The following WDR59 variants were observed in gnomAD, a reference collection of about 807,000 sequenced individuals.
WDR59 encodes GATOR2 complex protein WDR59.
WDR59 carries 100 observed loss-of-function variants against 131.2 expected under a neutral mutation model. The observed-to-expected ratio is 0.76, with a 90% CI of 0.65 to 0.90. The LOEUF (loss-of-function observed/expected upper bound fraction) is 0.90, where lower values mean the gene tolerates loss of function less well. WDR59 is among the 40% of genes least tolerant of loss of function. The pLI is 0.00. For synonymous variants in WDR59, 601 were observed against 466.2 expected (o/e 1.29, Z -3.72); for missense variants, 1,203 against 1,262.2 (o/e 0.95, Z 0.71).
chr16:74,945,206 G>A (rs1796822542), intron 6 of WDR59, among the ~76,000 whole-genome samples: 1 of 152,044 alleles, frequency 6.6e-6, no homozygotes, highest in Non-Finnish European at 1.5e-5. Context: ...GCCGGGCGAA[G>A]AGGCTCACGC....
chr16:74,885,083 G>A (rs924959167), intron 25 of WDR59, among the ~76,000 whole-genome samples: 4 of 152,238 alleles, frequency 2.6e-5, no homozygotes, highest in African/African-American at 9.6e-5. Context: ...CGGACACACA[G>A]TGGAATAAAT....
chr16:74,932,837 T>C (rs1373065513), intron 8 of WDR59, among the ~76,000 whole-genome samples: 6 of 152,192 alleles, frequency 3.9e-5, no homozygotes, highest in Non-Finnish European at 5.9e-5. Context: ...GATTTACAAA[T>C]ACCTTTCGAT....
At chr16:74,975,438 G>A (rs371897191) in intron 1 of WDR59, among the ~76,000 whole-genome samples, 1 of 151,804 alleles carries the variant, frequency 6.6e-6, no homozygotes, top group African/African-American at 2.4e-5. Context: ...CAAGACGGGT[G>A]GATCACCTAA....
chr16:74,909,969 G>GTTTTT (rs35006526), intron 14 of WDR59, 52 bp from the exon 15 acceptor site: 79 of 941,384 alleles, frequency 8.4e-5, no homozygotes, highest in South Asian at 2.9e-4. Flanking sequence ...TCTCTGATAG[G>GTTTTT]TTTTTTTTTT....
chr16:74,876,442 T>C (rs1392393422), intron 25 of WDR59, among the ~76,000 whole-genome samples: 1 of 152,222 alleles, frequency 6.6e-6, no homozygotes, highest in Admixed American at 6.5e-5. Context: ...TTAATTCTAA[T>C]GTTTAAAAGG....
chr16:74,898,139 C>T (rs1276464083), intron 18 of WDR59, among the ~76,000 whole-genome samples: 1 of 152,196 alleles, frequency 6.6e-6, no homozygotes, highest in Non-Finnish European at 1.5e-5. Context: ...TCTCTCTTGT[C>T]TCTGCAACTG....
chr16:74,878,590 G>A (rs112588609), intron 25 of WDR59, among the ~76,000 whole-genome samples: 3,769 of 142,312 alleles, frequency 0.026, 55 homozygotes, highest in South Asian at 0.048. Flanking sequence ...AGGTTACAGT[G>A]AGCCAAGACT....
chr16:74,977,732 T>C (rs2034245922), intron 1 of WDR59, among the ~76,000 whole-genome samples: 1 of 152,164 alleles, frequency 6.6e-6, no homozygotes, highest in African/African-American at 2.4e-5. Flanking sequence ...TTGGCCTTGA[T>C]ACTTATCTAC....
chr16:74,923,189 AT>A (rs2030425626), intron 9 of WDR59, among the ~76,000 whole-genome samples: 1 of 152,230 alleles, frequency 6.6e-6, no homozygotes, highest in Non-Finnish European at 1.5e-5. Flanking sequence ...TACTATTCAT[AT>A]TCTACAGTAA....
At chr16:74,929,864 T>C (rs2031221638) in intron 8 of WDR59, among the ~76,000 whole-genome samples, 1 of 152,124 alleles carries the variant, frequency 6.6e-6, no homozygotes, top group Non-Finnish European at 1.5e-5. Context: ...AAGAATGCAA[T>C]CCTATCATTT....
intron 8 of WDR59, among the ~76,000 whole-genome samples, chr16:74,929,113 C>T (rs1597734301): frequency 6.6e-6 from 1 of 152,150 alleles, no homozygotes; most frequent in African/African-American, 2.4e-5. Context: ...CTCACTCTGT[C>T]GCCCGGGCTG....
rs1567691573 is a variant in WDR59 at position 74,889,888 on chromosome 16, T to C, written c.2083-73A>G. The C allele has an allele frequency of 3.5e-6, 4 of 1,154,374 alleles. No individual in the cohort carries two copies. The Admixed American group carries it at 6.5e-5, about 19-fold the overall frequency. The allele number at this position is 1,154,374 out of a possible 1,614,324, so 71.5% of individuals were successfully genotyped here. The stretch of plus-strand genomic sequence containing the variant: ...ACCGAAACCATGAAGCAATCCCACC[T>C]GTCTTCCATATAAAACCTGATGCCT... On this transcript the variant is annotated intron_variant, in intron 20 of 25. Coordinates refer to ENST00000262144, the MANE Select transcript of WDR59 (RefSeq NM_030581.4).
chr16:74,929,598 G>C lies in WDR59; in HGVS notation c.652-5595C>G, dbSNP rs556247637. Reference sequence around the variant, plus strand: ...TGTTGGTAGGAATGTAAATTAGTACGGCCACTATGGAGAACAGTATGGTGA... The same window carrying C: ...TGTTGGTAGGAATGTAAATTAGTACCGCCACTATGGAGAACAGTATGGTGA... On this transcript the variant is annotated intron_variant, in intron 8 of 25. Transcript: ENST00000262144. Among the ~76,000 whole-genome samples the C allele has an allele frequency of 2.6e-5, 4 of 152,178 alleles. No homozygotes were observed. The South Asian group carries it at 8.3e-4, about 32-fold the overall frequency.
chr16:74,881,590 C>G (rs1244230482), intron 25 of WDR59, among the ~76,000 whole-genome samples: 1 of 152,058 alleles, frequency 6.6e-6, no homozygotes, highest in Non-Finnish European at 1.5e-5. Context: ...GAAAATACTT[C>G]TTGGCCGGGT....
intron 17 of WDR59, among the ~76,000 whole-genome samples, chr16:74,905,480 G>T (rs1035929784): frequency 1.3e-5 from 2 of 151,122 alleles, no homozygotes; most frequent in Admixed American, 1.3e-4. Flanking sequence ...AGGAAATCGA[G>T]ACCATCCTGG....
At chr16:74,949,597 T>C (rs2032874344) in intron 5 of WDR59, 121 bp downstream of exon 5, 2 of 770,498 alleles carry the variant, frequency 2.6e-6, no homozygotes, top group Non-Finnish European at 2.1e-6. Context: ...CGCTCAAATC[T>C]CTCACTCAAA....
At position 74,888,271 on chromosome 16, in the gene WDR59, G is replaced by A. The variant is rs143856438; in HGVS notation, c.2244C>T (p.Leu748=). ...RLRDVQTLAM[L]CSVFEAQSRP... Reference sequence around the variant, plus strand: ...GAGACTGGGCTTCAAACACGCTACAGAGCATCGCCAGTGTCTGAACATCCC... The same window carrying A: ...GAGACTGGGCTTCAAACACGCTACAAAGCATCGCCAGTGTCTGAACATCCC... The change falls in exon 22 of 26, where the codon CTC becomes CTT. Residue 748 remains leucine (L), a synonymous_variant. Transcript: ENST00000262144. 1.2e-6 allele frequency: 2 copies of A among 1,614,068 alleles called. No homozygotes were observed. Among genetic ancestry groups the A allele is most frequent in the African/African-American group, 2.7e-5 (2 of 75,032 alleles).
At position 74,973,310 on chromosome 16, in the gene WDR59, G is replaced by A. The variant is rs957236282; in HGVS notation, c.55-7488C>T. ...TTGTTGTTTTGCTTTTTAGATTGGGGTTGGCGGGGGGGCCGGTCTCTCTCC... is the reference window on the plus strand; with the variant it reads ...TTGTTGTTTTGCTTTTTAGATTGGGATTGGCGGGGGGGCCGGTCTCTCTCC... On this transcript the variant is annotated intron_variant, in intron 1 of 25. Transcript: ENST00000262144. Among the ~76,000 whole-genome samples, 5 of 121,220 alleles carry A rather than the reference G, an allele frequency of 4.1e-5. No individual in the cohort carries two copies. The Admixed American group carries it at 4.1e-4, about 10-fold the overall frequency. 79.5% of individuals were successfully genotyped at this position (121,220 alleles called of 152,430 possible). A position where few individuals can be genotyped will look rare whatever the true frequency, so the allele number is the denominator to read the frequency against.
At chr16:74,954,550 G>C (rs746337095) in intron 3 of WDR59, among the ~76,000 whole-genome samples, 7 of 152,186 alleles carry the variant, frequency 4.6e-5, no homozygotes, top group Non-Finnish European at 7.3e-5. Flanking sequence ...TTGCTGATGG[G>C]AGTATAAAAG....
Sources: gnomAD v4.1 joint callset for allele counts (sites outside exome capture counted in the v4.1 genomes callset) on GRCh38, gnomAD v4.1.1 for gene constraint, MANE v1.5 for transcripts, NCBI Gene and HGNC (gene_info 2026-07-23, HGNC 2026-07-21) for gene names.